OSTC: variants seen among roughly 807,000 people sequenced by gnomAD.
OSTC encodes oligosaccharyltransferase complex subunit OSTC.
OSTC carries 16 observed loss-of-function variants against 16.4 expected under a neutral mutation model. That is an observed-to-expected ratio of 0.98 (90% CI 0.66 to 1.49). The LOEUF (loss-of-function observed/expected upper bound fraction) is 1.49, where lower values mean the gene tolerates loss of function less well. Ranked by LOEUF, OSTC falls within the 40% of genes most tolerant of loss-of-function variation. The pLI is 0.00. For synonymous variants in OSTC, 67 were observed against 68.5 expected, an observed-to-expected ratio of 0.98 and a Z score of 0.11; for missense variants, 139 against 186.3, an observed-to-expected ratio of 0.75 and a Z score of 1.48.
chr4:108,666,937 G>A (rs1464422280), intron 3 of OSTC, among the ~76,000 whole-genome samples: 102 of 147,986 alleles, frequency 6.9e-4, no homozygotes, highest in Non-Finnish European at 6.4e-4. Flanking sequence ...CCCGGGAGGC[G>A]GAGGTTGCAG....
At chr4:108,656,272 C>G (rs939230338) in intron 2 of OSTC, among the ~76,000 whole-genome samples, 2 of 151,736 alleles carry the variant, frequency 1.3e-5, no homozygotes, top group African/African-American at 4.8e-5. Context: ...CAAAACATAG[C>G]TATATGTTTA....
chr4:108,650,838 T>G (rs889814748), intron 1 of OSTC, 44 bp downstream of exon 1: 2 of 1,612,054 alleles, frequency 1.2e-6, no homozygotes, highest in Admixed American at 1.7e-5. Flanking sequence ...AGCGGAGAAC[T>G]GACCCGCCCC....
intron 1 of OSTC, among the ~76,000 whole-genome samples, chr4:108,654,541 A>G (rs574704938): frequency 6.6e-6 from 1 of 152,250 alleles, no homozygotes; most frequent in Admixed American, 6.5e-5. Context: ...GGAGGTGAGG[A>G]TGGATGCAGG....
intron 1 of OSTC, among the ~76,000 whole-genome samples, chr4:108,653,933 G>T (rs1204269293): frequency 1.3e-5 from 2 of 152,144 alleles, no homozygotes; most frequent in South Asian, 4.1e-4. Context: ...TGAAAGCCCT[G>T]GGAGTTCATT....
At chr4:108,655,263 C>T (rs1217619281) in intron 1 of OSTC, among the ~76,000 whole-genome samples, 3 of 152,056 alleles carry the variant, frequency 2.0e-5, no homozygotes, top group Admixed American at 6.5e-5. Flanking sequence ...GTCAGGAGTT[C>T]GAGACCAGCC....
At position 108,650,763 on chromosome 4, in the gene OSTC, G is replaced by A. The variant is rs781089495; in HGVS notation, c.108G>A (p.Leu36=). 4 of 1,614,080 alleles carry A rather than the reference G, an allele frequency of 2.5e-6. No homozygotes were observed. The highest frequency in any genetic ancestry group is 3.4e-6 in the Non-Finnish European group (4 of 1,180,038). Residue 36 remains leucine (L), a synonymous_variant, in exon 1 of 4, where the codon CTG becomes CTA. Transcript: ENST00000361564. ...HMPSAMTVYA[L]VVVSYFLITG... ...CGTCGGCCATGACTGTGTATGCTCTGGTGGTGGTGTCTTACTTCCTCATCA... is the reference window on the plus strand; with the variant it reads ...CGTCGGCCATGACTGTGTATGCTCTAGTGGTGGTGTCTTACTTCCTCATCA...
intron 2 of OSTC, among the ~76,000 whole-genome samples, chr4:108,656,390 T>A (rs1387078515): frequency 6.6e-6 from 1 of 151,980 alleles, no homozygotes; most frequent in Non-Finnish European, 1.5e-5. Flanking sequence ...CTCTTCATAG[T>A]GCCCTCTTTC....
chr4:108,667,807 C>CT lies in OSTC; in HGVS notation c.*547dup, dbSNP rs1487323166. 1 of 152,608 alleles carries CT rather than the reference C, an allele frequency of 6.6e-6. No individual in the cohort carries two copies. The highest frequency in any genetic ancestry group is 2.4e-5 in the African/African-American group (1 of 41,430). 9.5% of individuals were successfully genotyped at this position (152,608 alleles called of 1,614,324 possible). ...TGTATGAACGGAGCAGAAATAAATA[C>CT]TTTTTCTAATTAATACCTTTTATAT... On this transcript the variant is annotated 3_prime_UTR_variant, in exon 4 of 4. Coordinates refer to ENST00000361564, the MANE Select transcript of OSTC (RefSeq NM_021227.4).
Position 108,650,652 on chromosome 4 carries a change from C to G in OSTC, c.-4C>G, listed in dbSNP as rs1421643461. On this transcript the variant is annotated 5_prime_UTR_variant, in exon 1 of 4. Transcript: ENST00000361564. ...GGCCGAGAACGGCCCTTGCTGCCACCAACATGGAGACTTTGTACCGTGTCC... is the reference window on the plus strand; with the variant it reads ...GGCCGAGAACGGCCCTTGCTGCCACGAACATGGAGACTTTGTACCGTGTCC... 6.2e-7 allele frequency: 1 copy of G among 1,613,796 alleles called. No individual in the cohort carries two copies. The highest frequency in any genetic ancestry group is 8.5e-7 in the Non-Finnish European group (1 of 1,179,892).
chr4:108,658,108 T>C (rs570397474), intron 3 of OSTC, among the ~76,000 whole-genome samples: 2 of 151,848 alleles, frequency 1.3e-5, no homozygotes, highest in Non-Finnish European at 2.9e-5. Context: ...TTTTTTGTAT[T>C]TTTAGTAGAG....
In OSTC at chr4:108,657,683, A is replaced by T. The variant is rs1448967685; in HGVS notation, c.431+36A>T. ...TGTGTAATCAGCACCTTATGTTGCA[A>T]ATTGGTAAAATGATTACCTGGAAAA... On this transcript the variant is annotated intron_variant, in intron 3 of 3. Coordinates refer to ENST00000361564, the MANE Select transcript of OSTC (RefSeq NM_021227.4). The T allele has an allele frequency of 2.0e-6, 3 of 1,517,888 alleles. No homozygotes were observed. The Admixed American group carries it at 5.4e-5, about 27-fold the overall frequency. 94.0% of individuals were successfully genotyped at this position (1,517,888 alleles called of 1,614,324 possible). A position where few individuals can be genotyped will look rare whatever the true frequency, so the allele number is the denominator to read the frequency against.
chr4:108,665,973 A>G (rs1726991540), intron 3 of OSTC, among the ~76,000 whole-genome samples: 1 of 152,152 alleles, frequency 6.6e-6, no homozygotes, highest in African/African-American at 2.4e-5. Context: ...AAAGGTTTGG[A>G]ACTTTTATAA....
At chr4:108,657,022 G>A (rs1015680350) in intron 2 of OSTC, among the ~76,000 whole-genome samples, 8 of 151,376 alleles carry the variant, frequency 5.3e-5, no homozygotes, top group Non-Finnish European at 8.8e-5. Context: ...AGCCGAGATC[G>A]TGCCACAGCA....
intron 3 of OSTC, among the ~76,000 whole-genome samples, chr4:108,666,429 G>A (rs1727002962): frequency 6.6e-6 from 1 of 152,082 alleles, no homozygotes; most frequent in Non-Finnish European, 1.5e-5. Flanking sequence ...AGAGGGAAGG[G>A]CCAGGCGCGG....
chr4:108,664,782 C>T (rs965445190), intron 3 of OSTC, among the ~76,000 whole-genome samples: 1 of 151,870 alleles, frequency 6.6e-6, no homozygotes, highest in Non-Finnish European at 1.5e-5. Context: ...TTAGTAGAGA[C>T]GGGGTTTCAC....
In OSTC at chr4:108,657,619, G is replaced by A. The variant is rs780038391; in HGVS notation, c.403G>A (p.Ala135Thr). The A allele has an allele frequency of 6.2e-7, 1 of 1,613,228 alleles. No individual in the cohort carries two copies. The highest frequency in any genetic ancestry group is 8.5e-7 in the Non-Finnish European group (1 of 1,179,426). ...CTGTGTCCTATTGAGTTTTTTCATGGCTAGAGTATTCATGAGAATGAAACT... is the reference window on the plus strand; with the variant it reads ...CTGTGTCCTATTGAGTTTTTTCATGACTAGAGTATTCATGAGAATGAAACT... ...FVCVLLSFFM[A>T]RVFMRMKLPG... is the part of the protein sequence containing the mutation. The change falls in exon 3 of 4, where the codon GCT becomes ACT. Residue 135 changes from alanine (A) to threonine (T), a missense_variant. Coordinates refer to ENST00000361564, the MANE Select transcript of OSTC (RefSeq NM_021227.4).
chr4:108,662,570 T>C (rs76099826), intron 3 of OSTC, among the ~76,000 whole-genome samples: 1,548 of 152,326 alleles, frequency 0.01, 19 homozygotes, highest in African/African-American at 0.034. Context: ...GATCAGTATA[T>C]ACCTATTGTA....
intron 3 of OSTC, among the ~76,000 whole-genome samples, chr4:108,666,467 T>C (rs896629740): frequency 2.0e-5 from 3 of 152,082 alleles, no homozygotes; most frequent in African/African-American, 4.8e-5. Context: ...CCCAGCACTT[T>C]GGGAGGCCGA....
chr4:108,656,421 T>A (rs1267422517), intron 2 of OSTC, among the ~76,000 whole-genome samples: 2 of 151,612 alleles, frequency 1.3e-5, no homozygotes, highest in Non-Finnish European at 2.9e-5. Flanking sequence ...AATTTTGAAC[T>A]TGGTACATAT....
Sources: gnomAD v4.1 joint callset for allele counts (sites outside exome capture counted in the v4.1 genomes callset) on GRCh38, gnomAD v4.1.1 for gene constraint, MANE v1.5 for transcripts, NCBI Gene and HGNC (gene_info 2026-07-23, HGNC 2026-07-21) for gene names.